Variants in ZNF699 observed in about 807,000 individuals in gnomAD.
ZNF699 encodes zinc finger protein 699.
A neutral mutation model predicts 22.5 loss-of-function variants in ZNF699; 18 were observed. The ratio of observed to expected loss-of-function variants is 0.80; its 90% CI spans 0.55 to 1.19. ZNF699 has a LOEUF of 1.19. ZNF699 is among the 50% of genes most tolerant of loss of function. The pLI is 0.00. For synonymous variants in ZNF699, 241 were observed against 262.3 expected, an observed-to-expected ratio of 0.92 and a Z score of 0.78; for missense variants, 670 against 763.4, an observed-to-expected ratio of 0.88 and a Z score of 1.44.
chr19:9,296,180 G>T lies in ZNF699; in HGVS notation c.1224C>A (p.Ile408=). The part of the protein sequence containing the change: ...KAYNCPSSLS[I]HMRKHTGEKP... ...TTTCTCCAGTGTGTTTTCTCATATGGATACTTAAGGAGGAGGGACAATTGT... is the reference window on the plus strand; with the variant it reads ...TTTCTCCAGTGTGTTTTCTCATATGTATACTTAAGGAGGAGGGACAATTGT... The change falls in exon 6 of 6, where the codon ATC becomes ATA. Residue 408 remains isoleucine (I), a synonymous_variant. Transcript: ENST00000591998. The T allele has an allele frequency of 6.2e-7, 1 of 1,612,698 alleles. No homozygotes were observed. The highest frequency in any genetic ancestry group is 8.5e-7 in the Non-Finnish European group (1 of 1,179,620).
At chr19:9,307,600 A>C (rs186861753) in intron 1 of ZNF699, among the ~76,000 whole-genome samples, 1 of 152,278 alleles carries the variant, frequency 6.6e-6, no homozygotes, top group East Asian at 1.9e-4. Context: ...GGAATTTCAG[A>C]GGGTTTAGTA....
chr19:9,296,120 G>C lies in ZNF699; in HGVS notation c.1284C>G (p.Phe428Leu). 1 of 1,613,246 alleles carries C rather than the reference G, an allele frequency of 6.2e-7. No homozygotes were observed. The highest frequency in any genetic ancestry group is 1.7e-5 in the Admixed American group (1 of 59,920). Residue 428 changes from phenylalanine to leucine, a missense_variant, in exon 6 of 6, where the codon TTC (phenylalanine) becomes TTG (leucine). By Grantham distance (22) the Phe-to-Leu change is conservative. Coordinates refer to ENST00000591998, the MANE Select transcript of ZNF699 (RefSeq NM_198535.3). ...GTGTATTAAGGGAAGTGGGAAGGTA[G>C]AAGGCCTTTCCACATTCCAGACATT... Reference protein sequence around the residue: ...PYECLECGKAFYLPTSLNTHV... With the variant: ...PYECLECGKALYLPTSLNTHV...
chr19:9,297,779 T>G lies in ZNF699; in HGVS notation c.286+101A>C, dbSNP rs1379393254. 1 of 864,072 alleles carries G rather than the reference T, an allele frequency of 1.2e-6. No individual in the cohort carries two copies. The highest frequency in any genetic ancestry group is 1.9e-6 in the Non-Finnish European group (1 of 531,292). The allele number at this position is 864,072 out of a possible 1,614,324, so 53.5% of individuals were successfully genotyped here. On this transcript the variant is annotated intron_variant, in intron 4 of 5. Coordinates refer to ENST00000591998, the MANE Select transcript of ZNF699 (RefSeq NM_198535.3). The surrounding 1 kb of genome is among the most constrained non-coding windows in gnomAD (Gnocchi z 4.3). ...TCAAAATAGTCATCTGAGCTATCTG[T>G]GGAAGATGAGCTTCCTCATATAAAA... is the stretch of plus-strand genomic sequence containing the variant.
At position 9,295,420 on chromosome 19, in the gene ZNF699, T is replaced by A; in HGVS notation, c.*55A>T. ...CATAGGGTGTCTCCACAGTATGAGA[T>A]CTCACATGTTGCCTAGGATCTGAAG... On this transcript the variant is annotated 3_prime_UTR_variant, in exon 6 of 6. Transcript: ENST00000591998. 6.5e-7 allele frequency: 1 copy of A among 1,538,778 alleles called. No individual in the cohort carries two copies. The highest frequency in any genetic ancestry group is 8.7e-7 in the Non-Finnish European group (1 of 1,147,252).
chr19:9,296,846 G>A lies in ZNF699; in HGVS notation c.558C>T (p.Leu186=). Residue 186 remains leucine (L), a synonymous_variant, in exon 6 of 6, where the codon CTC becomes CTT. Transcript: ENST00000591998. ...AGGATTTTACTTCAGTATTTCTCTT[G>A]AGTGAATCAAGATTTGGAACTTGGC... ...TFSQVPNLDS[L]KRNTEVKSCE... is the part of the protein sequence containing the mutation. 1 of 1,614,100 alleles carries A rather than the reference G, an allele frequency of 6.2e-7. No homozygotes were observed. Among genetic ancestry groups the A allele is most frequent in the Middle Eastern group, 1.6e-4 (1 of 6,062 alleles).
At chr19:9,305,757 A>G (rs2144983976) in intron 1 of ZNF699, among the ~76,000 whole-genome samples, 1 of 151,576 alleles carries the variant, frequency 6.6e-6, no homozygotes, top group South Asian at 2.1e-4. Flanking sequence ...GCTGGAGTGC[A>G]GTGGTGTGAT....
At chr19:9,302,297 C>T in intron 3 of ZNF699, 81 bp downstream of exon 3, 2 of 1,545,688 alleles carry the variant, frequency 1.3e-6, no homozygotes, top group Non-Finnish European at 1.8e-6. Context: ...CATTCCTCAG[C>T]CCAAATCCTA....
At chr19:9,300,799 G>T (rs1471107088) in intron 3 of ZNF699, among the ~76,000 whole-genome samples, 1 of 152,100 alleles carries the variant, frequency 6.6e-6, no homozygotes, top group Non-Finnish European at 1.5e-5. Context: ...GGGAAGGAGG[G>T]ATGAATTGAT....
chr19:9,303,345 A>G (rs1423125381), intron 2 of ZNF699, among the ~76,000 whole-genome samples: 1 of 152,210 alleles, frequency 6.6e-6, no homozygotes, highest in Non-Finnish European at 1.5e-5. Flanking sequence ...CTGACTGGCT[A>G]AAATCAGGGC....
Position 9,292,538 on chromosome 19 carries a change from C to T in ZNF699, c.*2937G>A, listed in dbSNP as rs532773239. On this transcript the variant is annotated 3_prime_UTR_variant, in exon 6 of 6. Transcript: ENST00000591998. ...GCCAAGACAGGGAGACAGAATTCAA[C>T]TAGATAACATTTTTTTAGCCCCAGG... Among the ~76,000 whole-genome samples the T allele has an allele frequency of 1.3e-5, 2 of 152,270 alleles. No homozygotes were observed. The highest frequency in any genetic ancestry group is 4.8e-5 in the African/African-American group (2 of 41,558).
chr19:9,302,445 C>T lies in ZNF699; in HGVS notation c.108G>A (p.Leu36=), dbSNP rs761929867. The T allele has an allele frequency of 6.2e-7, 1 of 1,614,040 alleles. No individual in the cohort carries two copies. The highest frequency in any genetic ancestry group is 2.2e-5 in the East Asian group (1 of 44,868). Residue 36 remains leucine (L), a synonymous_variant, in exon 3 of 6, where the codon CTG becomes CTA. Transcript: ENST00000591998. The stretch of plus-strand genomic sequence containing the variant: ...TGTAGAGGTTTCTCTGAGCAAGATC[C>T]AGCAAAGCCCATTCCTCCTGGGTAA... The part of the protein sequence containing the change: ...VDFTQEEWAL[L]DLAQRNLYRD...
chr19:9,304,731 C>G (rs754777138), intron 2 of ZNF699, among the ~76,000 whole-genome samples: 1 of 152,186 alleles, frequency 6.6e-6, no homozygotes, highest in African/African-American at 2.4e-5. Context: ...TGAGACCATC[C>G]TGGCCAACAT....
chr19:9,296,256 C>A lies in ZNF699; in HGVS notation c.1148G>T (p.Arg383Met). The stretch of plus-strand genomic sequence containing the variant: ...ATAGGGTTTCTCTCCAGTATGTGTC[C>A]TCCCATGTACAGTGAGTTTTGAGGA... The part of the protein sequence containing the change: ...SESSKLTVHG[R>M]THTGEKPYKC... Residue 383 changes from arginine to methionine, a missense_variant, in exon 6 of 6, where the codon AGG (arginine) becomes ATG (methionine). Coordinates refer to ENST00000591998, the MANE Select transcript of ZNF699 (RefSeq NM_198535.3). 6.2e-7 allele frequency: 1 copy of A among 1,614,054 alleles called. No homozygotes were observed. The highest frequency in any genetic ancestry group is 8.5e-7 in the Non-Finnish European group (1 of 1,179,994).
Position 9,291,965 on chromosome 19 carries a change from G to A in ZNF699, c.*3510C>T, listed in dbSNP as rs1163718402. On this transcript the variant is annotated 3_prime_UTR_variant, in exon 6 of 6. Coordinates refer to ENST00000591998, the MANE Select transcript of ZNF699 (RefSeq NM_198535.3). ...GATCCGCCCACCTCGGCCTCCCAAA[G>A]TGCTGGGATTATAGGCATGAGCCAC... 6.6e-6 allele frequency among the ~76,000 whole-genome samples: 1 copy of A among 152,060 alleles called. No homozygotes were observed. The highest frequency in any genetic ancestry group is 1.5e-5 in the Non-Finnish European group (1 of 67,996).
chr19:9,295,683 A>T lies in ZNF699; in HGVS notation c.1721T>A (p.Leu574His). 6.2e-7 allele frequency: 1 copy of T among 1,614,168 alleles called. No homozygotes were observed. The highest frequency in any genetic ancestry group is 8.5e-7 in the Non-Finnish European group (1 of 1,180,040). Residue 574 changes from leucine (L) to histidine (H), a missense_variant, in exon 6 of 6, where the codon CTT becomes CAT. Transcript: ENST00000591998. ...CGKAFRHSSY[L>H]TVHARMHTGE... ...AGTGTGCATTCTTGCATGTACAGTA[A>T]GGTATGAAGAATGACGAAATGCTTT... is the stretch of plus-strand genomic sequence containing the variant.
chr19:9,302,958 GGTTGA>G lies in ZNF699; in HGVS notation c.49-459_49-455del, dbSNP rs2066313384. Among the ~76,000 whole-genome samples the G allele has an allele frequency of 2.0e-5, 3 of 152,174 alleles. 1 individual carries two copies. Among genetic ancestry groups the G allele is most frequent in the Admixed American group, 2.0e-4 (3 of 15,270 alleles). On this transcript the variant is annotated intron_variant, in intron 2 of 5. Transcript: ENST00000591998. ...GGTGGGAGGATTGCTTGAGCCACAA[GGTTGA>G]GGCTGCAGTGAGCACGACCATGCCA...
chr19:9,296,378 C>T lies in ZNF699; in HGVS notation c.1026G>A (p.Lys342=). 6.2e-7 allele frequency: 1 copy of T among 1,613,860 alleles called. No homozygotes were observed. The highest frequency in any genetic ancestry group is 1.1e-5 in the South Asian group (1 of 91,064). The change falls in exon 6 of 6, where the codon AAG becomes AAA. Residue 342 remains lysine, a synonymous_variant. Coordinates refer to ENST00000591998, the MANE Select transcript of ZNF699 (RefSeq NM_198535.3). ...DKPYECKECG[K]AFSSSSHLII... ...TAAGGTGAGAGGAAGAGCTAAAGGC[C>T]TTCCCACATTCCTTACATTCATATG...
At position 9,295,087 on chromosome 19, in the gene ZNF699, A is replaced by G. The variant is rs1411833366; in HGVS notation, c.*388T>C. ...TTTCGTGTCCTCCATGATCCAAAAG[A>G]TTTTGTAATGGAAATCATATTTACA... is the stretch of plus-strand genomic sequence containing the variant. On this transcript the variant is annotated 3_prime_UTR_variant, in exon 6 of 6. Transcript: ENST00000591998. The G allele has an allele frequency of 1.1e-5, 2 of 181,890 alleles. No individual in the cohort carries two copies. The highest frequency in any genetic ancestry group is 2.3e-5 in the Non-Finnish European group (2 of 87,824). 11.3% of individuals were successfully genotyped at this position (181,890 alleles called of 1,614,324 possible). A position where few individuals can be genotyped will look rare whatever the true frequency, so the allele number is the denominator to read the frequency against.
chr19:9,307,904 G>A (rs989510406), intron 1 of ZNF699, among the ~76,000 whole-genome samples: 13 of 147,550 alleles, frequency 8.8e-5, no homozygotes, highest in South Asian at 2.1e-4. Flanking sequence ...CCAAGATCAC[G>A]CCACTGCACT....
Sources: gnomAD v4.1 joint callset for allele counts (sites outside exome capture counted in the v4.1 genomes callset) on GRCh38, gnomAD v4.1.1 for gene constraint, Gnocchi (gnomAD v3.1) non-coding constraint, MANE v1.5 for transcripts, NCBI Gene and HGNC (gene_info 2026-07-23, HGNC 2026-07-21) for gene names.